The following CEP85L variants were observed in gnomAD, a reference collection of about 807,000 sequenced individuals.
CEP85L encodes centrosomal protein of 85 kDa-like.
In CEP85L, 60 loss-of-function variants were observed where a neutral mutation model predicts 100.3. That is an observed-to-expected ratio of 0.60 (90% confidence interval 0.49 to 0.74). CEP85L has a LOEUF of 0.74. Among genes scored for constraint, CEP85L ranks in the 30% least tolerant of loss-of-function variants. The pLI is 0.00. For synonymous variants in CEP85L, 319 were observed against 322.7 expected, an observed-to-expected ratio of 0.99 and a Z score of 0.12; for missense variants, 973 against 936.2, an observed-to-expected ratio of 1.04 and a Z score of -0.51.
intron 2 of CEP85L, among the ~76,000 whole-genome samples, chr6:118,630,301 A>G (rs1774063532): frequency 6.6e-6 from 1 of 152,082 alleles, no homozygotes; most frequent in Admixed American, 6.5e-5. Context: ...ACCTTACTGG[A>G]CCCCACTCTG....
At chr6:118,689,496 T>G (rs1236286613) in intron 1 of CEP85L, among the ~76,000 whole-genome samples, 1 of 152,238 alleles carries the variant, frequency 6.6e-6, no homozygotes, top group Non-Finnish European at 1.5e-5. Flanking sequence ...CTTTTTACTA[T>G]AGAATGTAGC....
intron 1 of CEP85L, among the ~76,000 whole-genome samples, chr6:118,668,496 T>G (rs1186419837): frequency 6.6e-6 from 1 of 152,198 alleles, no homozygotes; most frequent in African/African-American, 2.4e-5. Flanking sequence ...CCCCACTACT[T>G]GCTACTCGGA....
At chr6:118,696,755 A>C (rs1777226067) in intron 1 of CEP85L, among the ~76,000 whole-genome samples, 1 of 152,216 alleles carries the variant, frequency 6.6e-6, no homozygotes, top group Non-Finnish European at 1.5e-5. Flanking sequence ...TGGACAGTTG[A>C]TATAAACCAT....
intron 2 of CEP85L, among the ~76,000 whole-genome samples, chr6:118,600,351 G>C (rs952338381): frequency 2.2e-5 from 3 of 138,844 alleles, no homozygotes; most frequent in African/African-American, 8.0e-5. Flanking sequence ...GTGTGTGTGT[G>C]TGTGTGTGTG....
chr6:118,511,172 T>C (rs1775943244), intron 5 of CEP85L, 126 bp downstream of exon 5: 1 of 665,938 alleles, frequency 1.5e-6, no homozygotes, highest in Non-Finnish European at 2.6e-6. Context: ...GCCACACATA[T>C]AAATAAATAT....
At chr6:118,646,891 G>C in intron 1 of CEP85L, 1 of 973,006 alleles carries the variant, frequency 1.0e-6, no homozygotes, top group Non-Finnish European at 1.2e-6. Flanking sequence ...CATGACAATA[G>C]AGGTTATCAA....
intron 2 of CEP85L, among the ~76,000 whole-genome samples, chr6:118,603,826 G>C (rs1035651687): frequency 4.6e-5 from 7 of 152,182 alleles, no homozygotes; most frequent in African/African-American, 1.4e-4. Flanking sequence ...TTCTATAGTT[G>C]ATTATAAATC....
intron 1 of CEP85L, among the ~76,000 whole-genome samples, chr6:118,642,329 C>T (rs931866430): frequency 6.6e-6 from 1 of 151,940 alleles, no homozygotes; most frequent in South Asian, 2.1e-4. Context: ...GGTAGCAAAA[C>T]GGGGAGGTGA....
chr6:118,630,636 A>G (rs1273938263), intron 2 of CEP85L, among the ~76,000 whole-genome samples: 3 of 152,244 alleles, frequency 2.0e-5, no homozygotes, highest in African/African-American at 7.2e-5. Flanking sequence ...ATGAAAAGAC[A>G]TGGAGAAACT....
At chr6:118,526,730 T>C (rs999218056) in intron 3 of CEP85L, among the ~76,000 whole-genome samples, 1 of 152,190 alleles carries the variant, frequency 6.6e-6, no homozygotes, top group Non-Finnish European at 1.5e-5. Context: ...TCTCATTATA[T>C]GCTAATCATA....
intron 3 of CEP85L, among the ~76,000 whole-genome samples, chr6:118,532,749 A>G (rs920204997): frequency 2.6e-5 from 4 of 152,154 alleles, no homozygotes; most frequent in Non-Finnish European, 1.5e-5. Context: ...CCTAAATCTA[A>G]AGAAAATATA....
At chr6:118,652,007 G>A, upstream of CEP85L, 6 of 629,796 alleles carry the variant, frequency 9.5e-6, no homozygotes, top group Non-Finnish European at 1.2e-5. Context: ...CTTGGAATTA[G>A]GATTGGGATT....
At chr6:118,627,005 A>T (rs1269980661) in intron 2 of CEP85L, among the ~76,000 whole-genome samples, 3 of 151,928 alleles carry the variant, frequency 2.0e-5, no homozygotes, top group Non-Finnish European at 2.9e-5. Flanking sequence ...TTCAAGAACA[A>T]CCTGGCCAAA....
intron 1 of CEP85L, among the ~76,000 whole-genome samples, chr6:118,677,898 G>A (rs1238187012): frequency 6.6e-6 from 1 of 152,136 alleles, no homozygotes; most frequent in Non-Finnish European, 1.5e-5. Flanking sequence ...GGTTATAAAT[G>A]TTTCTTGGTT....
intron 1 of CEP85L, among the ~76,000 whole-genome samples, chr6:118,638,451 G>A (rs1323011591): frequency 6.6e-6 from 1 of 151,500 alleles, no homozygotes; most frequent in East Asian, 1.9e-4. Flanking sequence ...CAATCCAGAA[G>A]CACAATACAG....
intron 2 of CEP85L, among the ~76,000 whole-genome samples, chr6:118,598,807 T>A (rs1414810725): frequency 6.6e-6 from 1 of 151,980 alleles, no homozygotes; most frequent in African/African-American, 2.4e-5. Context: ...TACAGGGGAG[T>A]AGAGGTTAAC....
At chr6:118,609,705 G>C (rs1231770219) in intron 2 of CEP85L, among the ~76,000 whole-genome samples, 1 of 151,888 alleles carries the variant, frequency 6.6e-6, no homozygotes, top group Admixed American at 6.6e-5. Flanking sequence ...GAAAACAAAG[G>C]GCGTTAAATA....
At chr6:118,679,988 T>TAA (rs996477553) in intron 1 of CEP85L, among the ~76,000 whole-genome samples, 2 of 143,560 alleles carry the variant, frequency 1.4e-5, no homozygotes. Context: ...TCATTGGCAT[T>TAA]AAAAAAAAAA....
At chr6:118,646,224 A>G (rs1402541043) in intron 1 of CEP85L, among the ~76,000 whole-genome samples, 1 of 152,210 alleles carries the variant, frequency 6.6e-6, no homozygotes, top group Non-Finnish European at 1.5e-5. Context: ...CTAAAAAAAA[A>G]GAAAAGAAAA....
Sources: allele counts gnomAD v4.1 joint callset (sites outside exome capture counted in the v4.1 genomes callset), GRCh38; gene constraint gnomAD v4.1.1; transcripts MANE v1.5; gene names NCBI Gene and HGNC (gene_info 2026-07-23, HGNC 2026-07-21).